Variants in GRB2 observed in about 807,000 individuals in gnomAD.
The protein encoded by GRB2 is growth factor receptor-bound protein 2.
GRB2 carries 2 observed loss-of-function variants against 27.4 expected under a neutral mutation model. The ratio of observed to expected loss-of-function variants is 0.07; its 90% CI spans 0.03 to 0.23. The LOEUF (loss-of-function observed/expected upper bound fraction) is 0.23, where lower values mean the gene tolerates loss of function less well. Among genes scored for constraint, GRB2 ranks in the 10% least tolerant of loss-of-function variants. The pLI is 1.00. For synonymous variants in GRB2, 94 were observed against 99.6 expected, an observed-to-expected ratio of 0.94 and a Z score of 0.33; for missense variants, 102 against 282.4, an observed-to-expected ratio of 0.36 and a Z score of 4.58.
chr17:75,356,921 G>A (rs1460585052), intron 2 of GRB2, among the ~76,000 whole-genome samples: 1 of 152,008 alleles, frequency 6.6e-6, no homozygotes, highest in East Asian at 1.9e-4. Context: ...GTGCCCCAAG[G>A]GCTCCATCCC....
intron 2 of GRB2, among the ~76,000 whole-genome samples, chr17:75,353,344 T>C (rs141392230): frequency 3.6e-4 from 55 of 152,162 alleles, no homozygotes; most frequent in African/African-American, 1.3e-3. Context: ...GACACACATG[T>C]AGACTGAAAA....
At chr17:75,342,225 T>C (rs1049028678) in intron 2 of GRB2, among the ~76,000 whole-genome samples, 2 of 152,210 alleles carry the variant, frequency 1.3e-5, no homozygotes, top group African/African-American at 4.8e-5. Flanking sequence ...TGTGCTGCTA[T>C]GTCTTGGCCC....
At chr17:75,330,330 C>T (rs977433841) in intron 3 of GRB2, among the ~76,000 whole-genome samples, 1 of 151,666 alleles carries the variant, frequency 6.6e-6, no homozygotes, top group African/African-American at 2.4e-5. Context: ...TGCAGTGAGC[C>T]GAGATCGCGC....
intron 2 of GRB2, among the ~76,000 whole-genome samples, chr17:75,340,980 C>G (rs954951376): frequency 6.6e-6 from 1 of 152,146 alleles, no homozygotes; most frequent in Non-Finnish European, 1.5e-5. Context: ...CTCACATATG[C>G]CGAGCAGATC....
chr17:75,338,556 C>T (rs998242227), intron 2 of GRB2, among the ~76,000 whole-genome samples: 1 of 152,176 alleles, frequency 6.6e-6, no homozygotes, highest in Admixed American at 6.5e-5. Flanking sequence ...TATTCCAACC[C>T]CCATATTCCC....
At chr17:75,355,701 T>C (rs1298290521) in intron 2 of GRB2, among the ~76,000 whole-genome samples, 2 of 151,814 alleles carry the variant, frequency 1.3e-5, no homozygotes, top group East Asian at 3.9e-4. Context: ...GGGCCACATG[T>C]GGCCTGCGGG....
rs1234719875 is a variant in GRB2, at chr17:75,321,840, G to A, written c.300-13C>T. 5 of 1,612,538 alleles carry A rather than the reference G, an allele frequency of 3.1e-6. No homozygotes were observed. The highest frequency in any genetic ancestry group is 4.2e-6 in the Non-Finnish European group (5 of 1,179,830). ...ATCGTTTCCAAACCTGGGAGGGACA[G>A]AAAGCACATGTGACCGGCTAAAGGC... On this transcript the variant is annotated splice_polypyrimidine_tract_variant and intron_variant, in intron 4 of 5. Coordinates refer to ENST00000316804, the MANE Select transcript of GRB2 (RefSeq NM_002086.5).
At chr17:75,326,720 A>C (rs2078500959) in intron 3 of GRB2, among the ~76,000 whole-genome samples, 1 of 152,216 alleles carries the variant, frequency 6.6e-6, no homozygotes, top group African/African-American at 2.4e-5. Context: ...TCTGCTCCCA[A>C]TTGCTGATTC....
At chr17:75,362,178 C>T (rs9899687) in intron 2 of GRB2, among the ~76,000 whole-genome samples, 98,733 of 152,082 alleles carry the variant, frequency 0.65, 38,433 homozygotes, top group East Asian at 0.91. Context: ...GACACAGATA[C>T]GTAGGTCCTA....
intron 2 of GRB2, among the ~76,000 whole-genome samples, chr17:75,336,595 A>C (rs972386272): frequency 2.6e-5 from 4 of 152,088 alleles, no homozygotes; most frequent in African/African-American, 9.7e-5. Flanking sequence ...TCCCCCAACA[A>C]ACACAACTCC....
Position 75,332,809 on chromosome 17 carries a change from T to C in GRB2, c.79-12A>G. 1 of 1,533,330 alleles carries C rather than the reference T, an allele frequency of 6.5e-7. No homozygotes were observed. The highest frequency in any genetic ancestry group is 9.0e-7 in the Non-Finnish European group (1 of 1,114,994). 95.0% of individuals were successfully genotyped at this position (1,533,330 alleles called of 1,614,324 possible). A position where few individuals can be genotyped will look rare whatever the true frequency, so the allele number is the denominator to read the frequency against. On this transcript the variant is annotated splice_polypyrimidine_tract_variant and intron_variant, in intron 2 of 5. Transcript: ENST00000316804. The stretch of plus-strand genomic sequence containing the variant: ...TCTTCGTTCAAAACCTGAAAAGAAA[T>C]AAGACAACAAAAAAACCCAATCATT...
At chr17:75,346,246 C>G (rs1408703725) in intron 2 of GRB2, among the ~76,000 whole-genome samples, 3 of 150,760 alleles carry the variant, frequency 2.0e-5, no homozygotes, top group African/African-American at 7.3e-5. Flanking sequence ...GTAATCCCAG[C>G]ACTTTGGGAT....
chr17:75,393,520 T>C (rs1432960242), intron 2 of GRB2, 31 bp downstream of exon 2: 1 of 1,568,560 alleles, frequency 6.4e-7, no homozygotes, highest in South Asian at 1.1e-5. Flanking sequence ...GGGAGAGCGA[T>C]CTCAGCATTG....
chr17:75,347,644 T>C (rs1009216681), intron 2 of GRB2, among the ~76,000 whole-genome samples: 3 of 152,156 alleles, frequency 2.0e-5, no homozygotes, highest in African/African-American at 4.8e-5. Context: ...TGTAACCTCA[T>C]TCTTCTCAGA....
intron 2 of GRB2, among the ~76,000 whole-genome samples, chr17:75,346,675 C>T (rs576103513): frequency 9.1e-4 from 138 of 151,112 alleles, no homozygotes; most frequent in Middle Eastern, 3.4e-3. Flanking sequence ...CTCCACCGCC[C>T]GGGTTCAAAT....
At chr17:75,391,752 G>A (rs1876668847) in intron 2 of GRB2, among the ~76,000 whole-genome samples, 2 of 149,456 alleles carry the variant, frequency 1.3e-5, no homozygotes, top group African/African-American at 2.5e-5. Context: ...AGCTTGCGGT[G>A]AGCCCAGATT....
chr17:75,331,501 G>A (rs1432695278), intron 3 of GRB2, among the ~76,000 whole-genome samples: 1 of 152,148 alleles, frequency 6.6e-6, no homozygotes, highest in African/African-American at 2.4e-5. Flanking sequence ...TAAGAATTTC[G>A]AGCCACAGGC....
intron 2 of GRB2, among the ~76,000 whole-genome samples, chr17:75,390,843 T>C (rs1381653812): frequency 1.3e-5 from 2 of 152,194 alleles, no homozygotes; most frequent in African/African-American, 4.8e-5. Context: ...ACTTATTCAA[T>C]ATCCATATGC....
intron 2 of GRB2, among the ~76,000 whole-genome samples, chr17:75,337,383 T>TA (rs913043681): frequency 1.1e-3 from 150 of 140,252 alleles, no homozygotes; most frequent in African/African-American, 2.6e-3. Context: ...AGTGTCGGGT[T>TA]AAAAAAAAAA....
Sources: allele counts gnomAD v4.1 joint callset (sites outside exome capture counted in the v4.1 genomes callset), GRCh38; gene constraint gnomAD v4.1.1; transcripts MANE v1.5; gene names NCBI Gene and HGNC (gene_info 2026-07-23, HGNC 2026-07-21).